TRHDE: variants seen among roughly 807,000 people sequenced by gnomAD.
TRHDE encodes thyrotropin releasing hormone degrading enzyme, also known as thyrotropin-releasing hormone-degrading ectoenzyme.
A neutral mutation model predicts 125.7 loss-of-function variants in TRHDE; 72 were observed. That is an observed-to-expected ratio of 0.57 (90% confidence interval 0.47 to 0.70). The LOEUF is 0.70. TRHDE is among the 30% of genes least tolerant of loss of function. The pLI is 0.00. For synonymous variants in TRHDE, 509 were observed against 509.1 expected, an observed-to-expected ratio of 1.00 and a Z score of 0.00; for missense variants, 1,110 against 1,327.1, an observed-to-expected ratio of 0.84 and a Z score of 2.54.
In TRHDE at chr12:72,273,687, A is replaced by G; in HGVS notation, c.914+130A>G. 1 of 885,340 alleles carries G rather than the reference A, an allele frequency of 1.1e-6. No individual in the cohort carries two copies. The highest frequency in any genetic ancestry group is 1.7e-5 in the South Asian group (1 of 60,574). The allele number at this position is 885,340 out of a possible 1,614,324, so 54.8% of individuals were successfully genotyped here. A position where few individuals can be genotyped will look rare whatever the true frequency, so the allele number is the denominator to read the frequency against. ...AGCCAGGGGTGGGGGGAAGGAAACGAAAGCGGAGTAGGGCAGTCAGAACTC... is the reference window on the plus strand; with the variant it reads ...AGCCAGGGGTGGGGGGAAGGAAACGGAAGCGGAGTAGGGCAGTCAGAACTC... On this transcript the variant is annotated intron_variant, in intron 1 of 18. Coordinates refer to ENST00000261180, the MANE Select transcript of TRHDE (RefSeq NM_013381.3). The surrounding 1 kb of genome is among the most constrained non-coding windows in gnomAD (Gnocchi z 5.3).
intron 2 of TRHDE, among the ~76,000 whole-genome samples, chr12:72,177,893 C>T (rs1189835760): frequency 6.6e-6 from 1 of 152,026 alleles, no homozygotes; most frequent in Non-Finnish European, 1.5e-5. Flanking sequence ...TGTTTTCTAA[C>T]CTTATGCCAT....
intron 3 of TRHDE, among the ~76,000 whole-genome samples, chr12:72,430,684 G>A (rs1285201951): frequency 6.6e-6 from 1 of 151,738 alleles, no homozygotes; most frequent in Non-Finnish European, 1.5e-5. Context: ...ACCTTAAAGT[G>A]TTACTACTCC....
intron 12 of TRHDE, among the ~76,000 whole-genome samples, chr12:72,588,747 G>A (rs867517138): frequency 6.6e-6 from 1 of 152,154 alleles, no homozygotes; most frequent in African/African-American, 2.4e-5. Flanking sequence ...TTTACCTGGT[G>A]TATTAGTCCA....
chr12:72,516,186 C>A (rs1261934323), intron 6 of TRHDE, among the ~76,000 whole-genome samples: 1 of 151,192 alleles, frequency 6.6e-6, no homozygotes, highest in East Asian at 1.9e-4. Context: ...TGAAGAAAGT[C>A]ATTGGTAGCT....
intron 2 of TRHDE, among the ~76,000 whole-genome samples, chr12:72,346,667 A>G (rs1426870002): frequency 2.0e-5 from 3 of 152,082 alleles, no homozygotes; most frequent in Admixed American, 6.6e-5. Context: ...AGAGCCTGGC[A>G]TCAAAGAGGC....
chr12:72,605,207 TTATAA>T (rs911085548), intron 12 of TRHDE, among the ~76,000 whole-genome samples: 2 of 152,144 alleles, frequency 1.3e-5, no homozygotes, highest in African/African-American at 4.8e-5. Flanking sequence ...GTATCAGTTA[TTATAA>T]TATATAGGTG....
intron 2 of TRHDE, among the ~76,000 whole-genome samples, chr12:72,120,207 C>A (rs746661181): frequency 5.3e-5 from 8 of 151,760 alleles, no homozygotes; most frequent in African/African-American, 1.9e-4. Context: ...CCCGCCATCA[C>A]GCCTGGTTAA....
At chr12:72,636,898 C>T (rs1016913808) in intron 15 of TRHDE, among the ~76,000 whole-genome samples, 24 of 151,860 alleles carry the variant, frequency 1.6e-4, no homozygotes, top group African/African-American at 4.8e-4. Context: ...CTGCTGGATT[C>T]GTTTTGCCAG....
chr12:72,637,051 T>C (rs1203109856), intron 15 of TRHDE, among the ~76,000 whole-genome samples: 1 of 152,196 alleles, frequency 6.6e-6, no homozygotes, highest in African/African-American at 2.4e-5. Flanking sequence ...TCTTTTTCTA[T>C]TGATTGGAAT....
At chr12:72,174,481 A>G (rs1284438319) in intron 2 of TRHDE, among the ~76,000 whole-genome samples, 2 of 152,200 alleles carry the variant, frequency 1.3e-5, no homozygotes, top group Admixed American at 6.5e-5. Context: ...TATGTTTCTT[A>G]TATCATTTTT....
intron 15 of TRHDE, among the ~76,000 whole-genome samples, chr12:72,622,550 A>G (rs1450253382): frequency 1.3e-5 from 2 of 152,020 alleles, no homozygotes; most frequent in Admixed American, 6.6e-5. Flanking sequence ...AAGAGAAGCT[A>G]GGGCTTGATT....
chr12:72,300,986 C>T (rs755701167), intron 2 of TRHDE, among the ~76,000 whole-genome samples: 3 of 152,074 alleles, frequency 2.0e-5, no homozygotes, highest in Non-Finnish European at 4.4e-5. Flanking sequence ...TTACTTTCAC[C>T]CACTCTTCTC....
intron 6 of TRHDE, among the ~76,000 whole-genome samples, chr12:72,526,880 G>A (rs546794863): frequency 3.3e-5 from 5 of 152,170 alleles, no homozygotes; most frequent in South Asian, 4.1e-4. Context: ...AAGAGTATTC[G>A]GGAAAATCAA....
At chr12:72,198,840 TCA>T (rs1455507507) in intron 2 of TRHDE, among the ~76,000 whole-genome samples, 6 of 152,014 alleles carry the variant, frequency 3.9e-5, no homozygotes, top group South Asian at 2.1e-4. Context: ...TTTAATTGAC[TCA>T]CAGTTCTGCA....
At chr12:72,519,840 G>C (rs1170522950) in intron 6 of TRHDE, among the ~76,000 whole-genome samples, 2 of 152,166 alleles carry the variant, frequency 1.3e-5, no homozygotes, top group Non-Finnish European at 1.5e-5. Context: ...TGTCCTTTCT[G>C]TTTGTTAGTT....
intron 6 of TRHDE, among the ~76,000 whole-genome samples, chr12:72,506,412 C>T (rs990619126): frequency 2.0e-5 from 3 of 152,080 alleles, no homozygotes; most frequent in African/African-American, 7.2e-5. Context: ...ATGAGTACTA[C>T]AAAAGCATGT....
chr12:72,636,198 C>T (rs979553455), intron 15 of TRHDE, among the ~76,000 whole-genome samples: 1 of 152,048 alleles, frequency 6.6e-6, no homozygotes, highest in Non-Finnish European at 1.5e-5. Flanking sequence ...GTTTGTAGTT[C>T]TCCTTGAAGA....
At chr12:72,176,637 G>A (rs571200950) in intron 2 of TRHDE, among the ~76,000 whole-genome samples, 10 of 152,304 alleles carry the variant, frequency 6.6e-5, no homozygotes, top group African/African-American at 2.2e-4. Flanking sequence ...TATGGTGCAC[G>A]TGTAGCCGAT....
chr12:72,238,322 AC>A (rs1878395740), intron 2 of TRHDE, among the ~76,000 whole-genome samples: 3 of 27,222 alleles, frequency 1.1e-4, no homozygotes, highest in South Asian at 1.3e-3. Flanking sequence ...ATATATATAT[AC>A]ATATATATAT....
Sources: allele counts gnomAD v4.1 joint callset (sites outside exome capture counted in the v4.1 genomes callset), GRCh38; gene constraint gnomAD v4.1.1; non-coding constraint Gnocchi (gnomAD v3.1); transcripts MANE v1.5; gene names NCBI Gene and HGNC (gene_info 2026-07-23, HGNC 2026-07-21).